TBC1D22A: variants seen among roughly 807,000 people sequenced by gnomAD.
TBC1D22A encodes the protein TBC1 domain family member 22A.
In TBC1D22A, 38 loss-of-function variants were observed where a neutral mutation model predicts 60.2. That is an observed-to-expected ratio of 0.63 (90% CI 0.49 to 0.83). TBC1D22A has a LOEUF of 0.83. Ranked by LOEUF, TBC1D22A falls within the 40% of genes least tolerant of loss-of-function variation. TBC1D22A has a pLI of 0.00. For missense variants in TBC1D22A, 628 were observed against 701.0 expected (o/e 0.90, Z 1.18); for synonymous variants, 302 against 281.7 (o/e 1.07, Z -0.72).
At chr22:46,957,495 G>T (rs751187183) in intron 8 of TBC1D22A, among the ~76,000 whole-genome samples, 1 of 152,234 alleles carries the variant, frequency 6.6e-6, no homozygotes, top group South Asian at 2.1e-4. Context: ...AGCACATCTC[G>T]TGAGAACTCA....
At chr22:47,147,708 G>C (rs1383688817) in intron 12 of TBC1D22A, among the ~76,000 whole-genome samples, 1 of 152,274 alleles carries the variant, frequency 6.6e-6, no homozygotes, top group African/African-American at 2.4e-5. Flanking sequence ...GAGCCCCGCC[G>C]CAGGGCTCCT....
chr22:47,135,084 G>T (rs534870763), intron 12 of TBC1D22A, among the ~76,000 whole-genome samples: 1 of 152,238 alleles, frequency 6.6e-6, no homozygotes, highest in African/African-American at 2.4e-5. Flanking sequence ...CAGCTGGGAA[G>T]GGGACACTGG....
At chr22:46,858,258 G>C (rs936011577) in intron 4 of TBC1D22A, among the ~76,000 whole-genome samples, 1 of 152,220 alleles carries the variant, frequency 6.6e-6, no homozygotes, top group South Asian at 2.1e-4. Context: ...CTTATTGGCT[G>C]TCTGTATATC....
chr22:46,998,467 T>C (rs2075196238), intron 10 of TBC1D22A, among the ~76,000 whole-genome samples: 1 of 152,216 alleles, frequency 6.6e-6, no homozygotes, highest in Non-Finnish European at 1.5e-5. Context: ...CCATGCGCGC[T>C]TGGCAAATTA....
chr22:47,126,094 G>T (rs5766685), intron 12 of TBC1D22A, among the ~76,000 whole-genome samples: 1 of 152,006 alleles, frequency 6.6e-6, no homozygotes. Flanking sequence ...TGAGTCTTCC[G>T]TCTCAGCCTC....
intron 12 of TBC1D22A, among the ~76,000 whole-genome samples, chr22:47,152,401 G>A (rs967741057): frequency 2.0e-5 from 3 of 152,314 alleles, no homozygotes; most frequent in South Asian, 4.1e-4. Context: ...TCCCCAGGCC[G>A]AAGTGGGTTC....
At chr22:47,011,228 G>A (rs1424729581) in intron 10 of TBC1D22A, among the ~76,000 whole-genome samples, 2 of 152,178 alleles carry the variant, frequency 1.3e-5, no homozygotes, top group African/African-American at 4.8e-5. Context: ...GCCTTGGGGT[G>A]TCCTGTGGGC....
intron 8 of TBC1D22A, among the ~76,000 whole-genome samples, chr22:46,937,474 G>A (rs887542585): frequency 3.5e-4 from 53 of 152,052 alleles, no homozygotes; most frequent in African/African-American, 1.2e-3. Flanking sequence ...CTGCACTGCC[G>A]GTCTGTAAGA....
intron 12 of TBC1D22A, among the ~76,000 whole-genome samples, chr22:47,173,155 G>T (rs1282828791): frequency 4.6e-5 from 7 of 152,232 alleles, no homozygotes; most frequent in Non-Finnish European, 1.0e-4. Flanking sequence ...GGCGGCCCCT[G>T]CCACGACATC....
At chr22:46,862,667 G>T (rs959428866) in intron 4 of TBC1D22A, among the ~76,000 whole-genome samples, 2 of 152,306 alleles carry the variant, frequency 1.3e-5, no homozygotes, top group East Asian at 3.9e-4. Flanking sequence ...AGGGGTGGGT[G>T]TAGGGGGTTT....
At chr22:46,866,626 A>G (rs2067069408) in intron 4 of TBC1D22A, among the ~76,000 whole-genome samples, 1 of 152,238 alleles carries the variant, frequency 6.6e-6, no homozygotes, top group African/African-American at 2.4e-5. Flanking sequence ...AGCGGTGGAG[A>G]AATTCCTTAG....
In TBC1D22A at chr22:47,089,496, CACGTAG is replaced by C. The variant is rs533188952; in HGVS notation, c.1330-22006_1330-22001del. Among the ~76,000 whole-genome samples the C allele has an allele frequency of 7.2e-5, 11 of 152,334 alleles. 1 individual carries two copies. The South Asian group carries it at 2.3e-3, about 32-fold the overall frequency. ...GAAAATGGTTTTACACATCACACCA[CACGTAG>C]ACGTACACACAGTCCATGCACACAG... On this transcript the variant is annotated intron_variant, in intron 11 of 12. Coordinates refer to ENST00000337137, the MANE Select transcript of TBC1D22A (RefSeq NM_014346.5).
chr22:46,886,773 G>A (rs1381858681), intron 5 of TBC1D22A, among the ~76,000 whole-genome samples: 2 of 152,192 alleles, frequency 1.3e-5, no homozygotes, highest in East Asian at 3.8e-4. Context: ...GGCCTAGATA[G>A]TAAATATTTG....
chr22:47,170,013 G>A (rs1486497211), intron 12 of TBC1D22A, among the ~76,000 whole-genome samples: 1 of 152,228 alleles, frequency 6.6e-6, no homozygotes, highest in East Asian at 1.9e-4. Flanking sequence ...GGGTGATGCA[G>A]AACAGCTCTT....
At chr22:46,963,127 A>G (rs949608605) in intron 8 of TBC1D22A, among the ~76,000 whole-genome samples, 2 of 151,504 alleles carry the variant, frequency 1.3e-5, no homozygotes, top group African/African-American at 4.9e-5. Context: ...AGGCTGAGGC[A>G]GGAGAATGGC....
At chr22:46,912,313 G>A in intron 8 of TBC1D22A, 125 bp downstream of exon 8, 1 of 631,648 alleles carries the variant, frequency 1.6e-6, no homozygotes, top group African/African-American at 1.9e-5. Flanking sequence ...TAATATTAGA[G>A]AATAATAGTT....
Position 47,173,486 on chromosome 22 carries a change from C to G in TBC1D22A, c.1426-12C>G. On this transcript the variant is annotated splice_polypyrimidine_tract_variant and intron_variant, in intron 12 of 12. Coordinates refer to ENST00000337137, the MANE Select transcript of TBC1D22A (RefSeq NM_014346.5). ...CACCTCCTCTGACCTGGGCTTGTCTCTTTCTCCCCAGGAGCTGCTGCTCTT... is the reference window on the plus strand; with the variant it reads ...CACCTCCTCTGACCTGGGCTTGTCTGTTTCTCCCCAGGAGCTGCTGCTCTT... The G allele has an allele frequency of 6.2e-7, 1 of 1,613,770 alleles. No homozygotes were observed.
chr22:47,096,429 C>A (rs1368930059), intron 11 of TBC1D22A, among the ~76,000 whole-genome samples: 1 of 152,182 alleles, frequency 6.6e-6, no homozygotes, highest in East Asian at 1.9e-4. Context: ...ACTACAAATA[C>A]CTTTTTCCAG....
intron 8 of TBC1D22A, among the ~76,000 whole-genome samples, chr22:46,930,651 G>A (rs1037100620): frequency 2.7e-5 from 4 of 149,518 alleles, no homozygotes; most frequent in Admixed American, 2.0e-4. Flanking sequence ...TTTTAGTAGA[G>A]ATGGGGTTTC....
Sources: allele counts gnomAD v4.1 joint callset (sites outside exome capture counted in the v4.1 genomes callset), GRCh38; gene constraint gnomAD v4.1.1; transcripts MANE v1.5; gene names NCBI Gene and HGNC (gene_info 2026-07-23, HGNC 2026-07-21).